The following HHATL variants were observed in gnomAD, a reference collection of about 807,000 sequenced individuals.
The protein encoded by HHATL is hedgehog acyltransferase like.
HHATL carries 49 observed loss-of-function variants against 59.7 expected under a neutral mutation model. The ratio of observed to expected loss-of-function variants is 0.82; its 90% CI spans 0.65 to 1.04. The LOEUF (loss-of-function observed/expected upper bound fraction) is 1.04. HHATL is among the 50% of genes least tolerant of loss of function. HHATL has a pLI of 0.00. For synonymous variants in HHATL, 238 were observed against 257.3 expected, an observed-to-expected ratio of 0.93 and a Z score of 0.72; for missense variants, 605 against 650.8, an observed-to-expected ratio of 0.93 and a Z score of 0.77.
At chr3:42,694,669 C>T (rs1244672338) in intron 9 of HHATL, among the ~76,000 whole-genome samples, 1 of 152,222 alleles carries the variant, frequency 6.6e-6, no homozygotes, top group African/African-American at 2.4e-5. Context: ...ACTGGCCTTT[C>T]TTACCTTTAC....
At chr3:42,697,317 T>G (rs115948039) in intron 7 of HHATL, among the ~76,000 whole-genome samples, 172 bp from the exon 8 acceptor site, 2,518 of 152,240 alleles carry the variant, frequency 0.017, 84 homozygotes, top group African/African-American at 0.056. Flanking sequence ...GTCCGTGGGA[T>G]GCTGCTCTGG....
Position 42,699,817 on chromosome 3 carries a change from G to T in HHATL, c.115C>A (p.His39Asn), listed in dbSNP as rs1323244349. 2 of 1,563,548 alleles carry T rather than the reference G, an allele frequency of 1.3e-6. No individual in the cohort carries two copies. The change falls in exon 3 of 12, where the codon CAC becomes AAC. Residue 39 changes from histidine (H) to asparagine (N), a missense_variant. Physicochemically the swap from His to Asn is moderately conservative, Grantham distance 68. Coordinates refer to ENST00000441594, the MANE Select transcript of HHATL (RefSeq NM_020707.4). The stretch of plus-strand genomic sequence containing the variant: ...ACAGACTCCCGGAAGGCCTTCCTGT[G>T]GGCCCCATCTGAGAACAGAGTGTGG... ...GLLEASQDGA[H>N]RKAFRESVRP...
In HHATL at chr3:42,699,125, C is replaced by T; in HGVS notation, c.195G>A (p.Trp65Ter). 1 of 1,613,946 alleles carries T rather than the reference C, an allele frequency of 6.2e-7. No individual in the cohort carries two copies. Among genetic ancestry groups the T allele is most frequent in the Middle Eastern group, 1.6e-4 (1 of 6,062 alleles). The change falls in exon 4 of 12, where the codon TGG becomes TGA. Residue 65 changes from tryptophan to a stop codon, truncating the protein, a stop_gained. Transcript: ENST00000441594. LOFTEE classifies it high-confidence loss of function. ...TGCGAAAGGAGGTGAACCACATCAC[C>T]CACTCGAAGTCAGCCACATCCTGGG... ...GRKMDVADFE[W>*]VMWFTSFRNV...
Position 42,693,138 on chromosome 3 carries a change from G to C in HHATL, c.1329C>G (p.Asn443Lys). ...ATTTGAGGCTGTTCAGGCTCACAAG[G>C]TTGTACATGATGATGGCCCAGAAGT... The part of the protein sequence containing the change: ...AMNFWAIIMY[N>K]LVSLNSLKFT... Residue 443 changes from asparagine (N) to lysine (K), a missense_variant, in exon 11 of 12, where the codon AAC becomes AAG. Coordinates refer to ENST00000441594, the MANE Select transcript of HHATL (RefSeq NM_020707.4). The C allele has an allele frequency of 6.2e-7, 1 of 1,614,204 alleles. No homozygotes were observed. The highest frequency in any genetic ancestry group is 8.5e-7 in the Non-Finnish European group (1 of 1,180,036).
intron 9 of HHATL, 130 bp from the exon 10 acceptor site, chr3:42,693,948 G>C: frequency 1.4e-6 from 1 of 716,094 alleles, no homozygotes; most frequent in Admixed American, 2.3e-5. Flanking sequence ...CTGACCTCAC[G>C]TAGCAGCTCC....
Position 42,700,669 on chromosome 3 carries a change from G to A in HHATL, c.106+52C>T, listed in dbSNP as rs971195949. ...TGGCTTTGCTGGTTGGAACCCTGAGGCCTCCAGGGGAAGAAGGGTCCTGTC... is the reference window on the plus strand; with the variant it reads ...TGGCTTTGCTGGTTGGAACCCTGAGACCTCCAGGGGAAGAAGGGTCCTGTC... On this transcript the variant is annotated intron_variant, in intron 2 of 11. Transcript: ENST00000441594. 1.1e-5 allele frequency: 14 copies of A among 1,262,900 alleles called. No individual in the cohort carries two copies. In the African/African-American group the frequency reaches 1.8e-4, roughly 16 times the overall value. The allele number at this position is 1,262,900 out of a possible 1,614,324, so 78.2% of individuals were successfully genotyped here. A position where few individuals can be genotyped will look rare whatever the true frequency, so the allele number is the denominator to read the frequency against.
At chr3:42,702,043 AC>A (rs1234840540) in intron 1 of HHATL, among the ~76,000 whole-genome samples, 1 of 152,128 alleles carries the variant, frequency 6.6e-6, no homozygotes, top group Admixed American at 6.5e-5. Context: ...CCTGGGACAG[AC>A]TTCTGCCTGC....
chr3:42,694,083 A>G (rs1266842849), intron 9 of HHATL: 7 of 519,878 alleles, frequency 1.3e-5, no homozygotes, highest in African/African-American at 3.8e-5. Context: ...CTCTATGACG[A>G]TGACCCCTAA....
chr3:42,700,767 A>G lies in HHATL; in HGVS notation c.60T>C (p.Ser20=), dbSNP rs113502080. 1.2e-3 allele frequency: 1,959 copies of G among 1,613,766 alleles called. 17 individuals carry two copies. The African/African-American group carries it at 0.021, about 17-fold the overall frequency. ...CCCGGCCAGCATAGGCCAGGGCCCC[A>G]CTCAGCACCAGAGAGTAGAGGCCCA... ...AELGLYSLVL[S]GALAYAGRGL... The change falls in exon 2 of 12, where the codon AGT becomes AGC. Residue 20 remains serine (S), a synonymous_variant. Transcript: ENST00000441594.
At chr3:42,695,887 C>T (rs1325950838) in intron 9 of HHATL, among the ~76,000 whole-genome samples, 1 of 152,178 alleles carries the variant, frequency 6.6e-6, no homozygotes, top group African/African-American at 2.4e-5. Context: ...TCCTGCATCC[C>T]CAGCTTCTCT....
At chr3:42,696,675 C>T (rs1237292017) in intron 9 of HHATL, among the ~76,000 whole-genome samples, 167 bp downstream of exon 9, 1 of 152,172 alleles carries the variant, frequency 6.6e-6, no homozygotes, top group Non-Finnish European at 1.5e-5. Context: ...TCACTTAAAT[C>T]CTAACTTCTA....
At chr3:42,693,896 G>T in intron 9 of HHATL, 78 bp from the exon 10 acceptor site, 1 of 1,232,472 alleles carries the variant, frequency 8.1e-7, no homozygotes, top group Non-Finnish European at 1.2e-6. Context: ...ACACAACAGG[G>T]CGTCCTCCTC....
rs1471864247 is a variant in HHATL at position 42,699,154 on chromosome 3, G to A, written c.175-9C>T. The A allele has an allele frequency of 1.2e-6, 2 of 1,608,602 alleles. No homozygotes were observed. The highest frequency in any genetic ancestry group is 1.3e-5 in the African/African-American group (1 of 74,792). On this transcript the variant is annotated splice_polypyrimidine_tract_variant and intron_variant, in intron 3 of 11. Coordinates refer to ENST00000441594, the MANE Select transcript of HHATL (RefSeq NM_020707.4). ...TCGAAGTCAGCCACATCCTGGGGCA[G>A]TCCGGGGCAGAAGGAGGTGGGGCAG...
chr3:42,698,947 C>T (rs369820688), intron 4 of HHATL, 45 bp from the exon 5 acceptor site: 15 of 1,606,026 alleles, frequency 9.3e-6, no homozygotes, highest in Middle Eastern at 1.7e-4. Context: ...TAAATGGGGG[C>T]GTGACCCCAG....
Position 42,693,103 on chromosome 3 carries a change from A to C in HHATL, c.1364T>G (p.Leu455Arg). The C allele has an allele frequency of 6.2e-7, 1 of 1,614,146 alleles. No homozygotes were observed. Among genetic ancestry groups the C allele is most frequent in the East Asian group, 2.2e-5 (1 of 44,884 alleles). ...VSLNSLKFTE[L>R]VARRLLLTGF... ...TGTGAGTAGCAGGCGCCGGGCAACCAGCTCTGTGAATTTGAGGCTGTTCAG... is the reference window on the plus strand; with the variant it reads ...TGTGAGTAGCAGGCGCCGGGCAACCCGCTCTGTGAATTTGAGGCTGTTCAG... Residue 455 changes from leucine to arginine, a missense_variant, in exon 11 of 12, where the codon CTG (leucine) becomes CGG (arginine). Coordinates refer to ENST00000441594, the MANE Select transcript of HHATL (RefSeq NM_020707.4).
intron 9 of HHATL, among the ~76,000 whole-genome samples, chr3:42,694,685 C>T (rs1330409425): frequency 6.6e-6 from 1 of 152,190 alleles, no homozygotes; most frequent in Admixed American, 6.5e-5. Context: ...TTTACACCCA[C>T]ACAGTTGGTT....
chr3:42,699,736 C>T, intron 3 of HHATL, 22 bp downstream of exon 3: 1 of 1,567,512 alleles, frequency 6.4e-7, no homozygotes, highest in African/African-American at 1.4e-5. Flanking sequence ...ATGGGAGGGA[C>T]CCTGGGATGT....
In HHATL at chr3:42,700,780, G is replaced by A. The variant is rs2125859140; in HGVS notation, c.47C>T (p.Ser16Phe). The A allele has an allele frequency of 6.2e-7, 1 of 1,613,912 alleles. No individual in the cohort carries two copies. The highest frequency in any genetic ancestry group is 1.7e-4 in the Middle Eastern group (1 of 6,058). ...ALPAAELGLY[S>F]LVLSGALAYA... Reference sequence around the variant, plus strand: ...GGCCAGGGCCCCACTCAGCACCAGAGAGTAGAGGCCCAGCTCAGCCGCCGG... The same window carrying A: ...GGCCAGGGCCCCACTCAGCACCAGAAAGTAGAGGCCCAGCTCAGCCGCCGG... The change falls in exon 2 of 12, where the codon TCT becomes TTT. Residue 16 changes from serine (S) to phenylalanine (F), a missense_variant. Transcript: ENST00000441594.
Position 42,692,765 on chromosome 3 carries a change from C to A in HHATL, c.1501G>T (p.Glu501Ter), listed in dbSNP as rs753562575. The A allele has an allele frequency of 6.2e-7, 1 of 1,614,106 alleles. No individual in the cohort carries two copies. Residue 501 changes from glutamate (E) to a stop codon, truncating the protein, a stop_gained, in exon 12 of 12, where the codon GAG (glutamate) becomes TAG (stop). Coordinates refer to ENST00000441594, the MANE Select transcript of HHATL (RefSeq NM_020707.4). LOFTEE classifies it high-confidence loss of function. ...ALEEEQKQDK[E>*]KPE The stretch of plus-strand genomic sequence containing the variant: ...CCCGCTCCCTCCTACTCCGGCTTCT[C>A]TTTGTCCTGCTTCTGCTCCTCCTCC...
Sources: allele counts gnomAD v4.1 joint callset (sites outside exome capture counted in the v4.1 genomes callset), GRCh38; gene constraint gnomAD v4.1.1; transcripts MANE v1.5; gene names NCBI Gene and HGNC (gene_info 2026-07-23, HGNC 2026-07-21).